The following MIPEP variants were observed in gnomAD, a reference collection of about 807,000 sequenced individuals.
The protein encoded by MIPEP is mitochondrial intermediate peptidase.
A neutral mutation model predicts 90.3 loss-of-function variants in MIPEP; 79 were observed. That is an observed-to-expected ratio of 0.87 (90% confidence interval 0.73 to 1.05). The LOEUF is 1.05. MIPEP is among the 50% of genes least tolerant of loss of function. The probability of loss-of-function intolerance (pLI) is 0.00; values close to 1 mark genes in which losing one functional copy is unlikely to be tolerated. For missense variants in MIPEP, 940 were observed against 905.6 expected (o/e 1.04, Z -0.49); for synonymous variants, 334 against 315.8 (o/e 1.06, Z -0.61).
intron 18 of MIPEP, among the ~76,000 whole-genome samples, chr13:23,740,532 G>T (rs557649449): frequency 2.0e-5 from 3 of 151,522 alleles, no homozygotes; most frequent in South Asian, 2.1e-4. Context: ...CAGTTCACCC[G>T]TTATTAAAAA....
Position 23,889,213 on chromosome 13 carries a change from G to C in MIPEP, c.108C>G (p.Val36=). Residue 36 remains valine, a synonymous_variant, in exon 1 of 19, where the codon GTC becomes GTG. Coordinates refer to ENST00000382172, the MANE Select transcript of MIPEP (RefSeq NM_005932.4). ...SLEAGIRARR[V]STSWSPVGAA... is the part of the protein sequence containing the mutation. The stretch of plus-strand genomic sequence containing the variant: ...CGCCCACGGGAGACCAGCTGGTGCT[G>C]ACCCTTCGGGCCCGGATCCCGGCTT... The C allele has an allele frequency of 6.9e-7, 1 of 1,440,526 alleles. No individual in the cohort carries two copies. 89.2% of individuals were successfully genotyped at this position (1,440,526 alleles called of 1,614,324 possible).
At chr13:23,873,306 TG>T (rs1339478381) in intron 5 of MIPEP, among the ~76,000 whole-genome samples, 4 of 152,106 alleles carry the variant, frequency 2.6e-5, no homozygotes, top group African/African-American at 9.7e-5. Context: ...CACTAGACAA[TG>T]GGAAGTCCAC....
chr13:23,836,253 T>C lies in MIPEP; in HGVS notation c.1640A>G (p.Tyr547Cys). 6.2e-7 allele frequency: 1 copy of C among 1,600,476 alleles called. No homozygotes were observed. The highest frequency in any genetic ancestry group is 8.5e-7 in the Non-Finnish European group (1 of 1,173,534). The change falls in exon 14 of 19, where the codon TAT becomes TGT. Residue 547 changes from tyrosine (Y) to cysteine (C), a missense_variant. By Grantham distance (194) the Tyr-to-Cys change is radical. Transcript: ENST00000382172. ...YRVVNQFARHYQTGQPLPKNM... is the reference protein window; with the variant it reads ...YRVVNQFARHCQTGQPLPKNM... Reference sequence around the variant, plus strand: ...TACTGTTCCTACCTGTCCAGTCTGATAATGTCTGGCAAATTGGTTAACTAC... The same window carrying C: ...TACTGTTCCTACCTGTCCAGTCTGACAATGTCTGGCAAATTGGTTAACTAC...
At chr13:23,776,736 A>G (rs1210016794) in intron 16 of MIPEP, among the ~76,000 whole-genome samples, 5 of 152,154 alleles carry the variant, frequency 3.3e-5, no homozygotes, top group Admixed American at 6.5e-5. Flanking sequence ...TGGGCAGGAT[A>G]AGTTAACATG....
intron 10 of MIPEP, among the ~76,000 whole-genome samples, chr13:23,854,710 G>A (rs946224457): frequency 4.0e-5 from 6 of 151,774 alleles, no homozygotes; most frequent in East Asian, 3.9e-4. Context: ...TGGCCAAAAC[G>A]GTGAAACTCT....
At chr13:23,849,182 T>A (rs1869689165) in intron 10 of MIPEP, among the ~76,000 whole-genome samples, 1 of 152,224 alleles carries the variant, frequency 6.6e-6, no homozygotes, top group African/African-American at 2.4e-5. Flanking sequence ...ACCATCTCCA[T>A]CCACAGCTTC....
chr13:23,734,770 G>A (rs570793193), intron 18 of MIPEP, among the ~76,000 whole-genome samples: 9 of 152,016 alleles, frequency 5.9e-5, no homozygotes, highest in African/African-American at 1.7e-4. Flanking sequence ...AGACATCGTC[G>A]CCCAAACCTC....
rs35400677 is a variant in MIPEP at position 23,768,004 on chromosome 13, C to G, written c.1849-7787G>C. ...AGGCGTGTGGCTGTGCGACTATATT[C>G]TTGAAAATGGCTGTGAGTAAAGGTG... On this transcript the variant is annotated intron_variant, in intron 16 of 18. Coordinates refer to ENST00000382172, the MANE Select transcript of MIPEP (RefSeq NM_005932.4). Among the ~76,000 whole-genome samples, 105 of 152,262 alleles carry G rather than the reference C, an allele frequency of 6.9e-4. 1 individual carries two copies. Among genetic ancestry groups the G allele is most frequent in the Non-Finnish European group, 1.1e-3 (73 of 68,020 alleles).
At chr13:23,732,968 G>A (rs1248777786) in intron 18 of MIPEP, among the ~76,000 whole-genome samples, 1 of 152,170 alleles carries the variant, frequency 6.6e-6, no homozygotes, top group Non-Finnish European at 1.5e-5. Flanking sequence ...GCATGTAAAC[G>A]AATCTAGGTG....
chr13:23,802,582 A>G (rs1015893751), intron 16 of MIPEP, among the ~76,000 whole-genome samples: 37 of 152,300 alleles, frequency 2.4e-4, no homozygotes, highest in African/African-American at 8.2e-4. Context: ...CAGGGGGGGA[A>G]GTCAGTTTTA....
Position 23,830,858 on chromosome 13 carries a change from T to C in MIPEP, c.1653+5382A>G, listed in dbSNP as rs964661793. Among the ~76,000 whole-genome samples, 12 of 152,304 alleles carry C rather than the reference T, an allele frequency of 7.9e-5. 2 individuals are homozygous for C. The South Asian group carries it at 2.5e-3, about 32-fold the overall frequency. On this transcript the variant is annotated intron_variant, in intron 14 of 18. Transcript: ENST00000382172. ...ATGGTTTCTAGTTCATCAGCATCAC[T>C]GTAAAACAGGCCCTCCAAAATTGAT...
At chr13:23,826,873 T>C (rs2137436947) in intron 14 of MIPEP, among the ~76,000 whole-genome samples, 1 of 152,324 alleles carries the variant, frequency 6.6e-6, no homozygotes, top group Middle Eastern at 3.4e-3. Context: ...GGGTTGCACA[T>C]TCATGGATTC....
At chr13:23,864,023 G>A in intron 8 of MIPEP, 118 bp downstream of exon 8, 1 of 602,944 alleles carries the variant, frequency 1.7e-6, no homozygotes, top group South Asian at 2.5e-5. Context: ...GACAGGTCTG[G>A]TCCAATATGC....
chr13:23,880,008 C>T (rs1871213170), intron 3 of MIPEP, among the ~76,000 whole-genome samples: 1 of 152,084 alleles, frequency 6.6e-6, no homozygotes, highest in South Asian at 2.1e-4. Flanking sequence ...AATGCCATGG[C>T]CCCCTCAAAA....
chr13:23,820,012 T>TAA (rs767277792), intron 14 of MIPEP, among the ~76,000 whole-genome samples: 4 of 130,574 alleles, frequency 3.1e-5, no homozygotes, highest in Admixed American at 7.7e-5. Flanking sequence ...TCCATCTCAA[T>TAA]AAAAAAAAAA....
At chr13:23,816,491 C>T (rs1165358109) in intron 14 of MIPEP, among the ~76,000 whole-genome samples, 1 of 151,772 alleles carries the variant, frequency 6.6e-6, no homozygotes. Context: ...TATGTGATAT[C>T]GTGGCTTTAT....
intron 14 of MIPEP, among the ~76,000 whole-genome samples, chr13:23,814,504 G>A (rs1293318730): frequency 1.3e-5 from 2 of 151,844 alleles, no homozygotes; most frequent in East Asian, 1.9e-4. Flanking sequence ...CTTGTGATCC[G>A]CCTGCCTCAG....
chr13:23,860,151 T>G (rs774215912), intron 9 of MIPEP, among the ~76,000 whole-genome samples: 2 of 152,256 alleles, frequency 1.3e-5, no homozygotes, highest in Non-Finnish European at 2.9e-5. Context: ...CAGTATGTCA[T>G]GTCTACATTG....
intron 10 of MIPEP, chr13:23,842,323 G>A (rs1039850990): frequency 6.6e-6 from 1 of 151,648 alleles, no homozygotes. Context: ...CATAAAATGA[G>A]TCCCCACAAC....
Sources: gnomAD v4.1 joint callset for allele counts (sites outside exome capture counted in the v4.1 genomes callset) on GRCh38, gnomAD v4.1.1 for gene constraint, MANE v1.5 for transcripts, NCBI Gene and HGNC (gene_info 2026-07-23, HGNC 2026-07-21) for gene names.